The following RAF1 variants were observed in gnomAD, a reference collection of about 807,000 sequenced individuals.
The protein encoded by RAF1 is Raf-1 proto-oncogene, serine/threonine kinase.
In RAF1, 27 loss-of-function variants were observed where a neutral mutation model predicts 81.1. The ratio of observed to expected loss-of-function variants is 0.33; its 90% CI spans 0.25 to 0.46. The LOEUF (loss-of-function observed/expected upper bound fraction) is 0.46, where lower values mean the gene tolerates loss of function less well. Among genes scored for constraint, RAF1 ranks in the 20% least tolerant of loss-of-function variants. The probability of loss-of-function intolerance (pLI) is 1.00; values close to 1 mark genes in which losing one functional copy is unlikely to be tolerated. For synonymous variants in RAF1, 298 were observed against 294.0 expected, an observed-to-expected ratio of 1.01 and a Z score of -0.14; for missense variants, 598 against 826.0, an observed-to-expected ratio of 0.72 and a Z score of 3.38.
chr3:12,651,124 A>G (rs999925124), intron 1 of RAF1, among the ~76,000 whole-genome samples: 1 of 152,194 alleles, frequency 6.6e-6, no homozygotes, highest in Non-Finnish European at 1.5e-5. Context: ...ATAAATAGCA[A>G]GCCTTTTTAC....
intron 1 of RAF1, among the ~76,000 whole-genome samples, chr3:12,643,613 G>C (rs192150734): frequency 6.6e-6 from 1 of 151,974 alleles, no homozygotes; most frequent in Non-Finnish European, 1.5e-5. Context: ...GCAGGCGCCT[G>C]TAATCCCAGC....
chr3:12,655,143 C>T (rs904827468), intron 1 of RAF1, among the ~76,000 whole-genome samples: 2 of 152,130 alleles, frequency 1.3e-5, no homozygotes, highest in East Asian at 1.9e-4. Flanking sequence ...AGTGCAATGG[C>T]GCAATCTCAG....
At position 12,600,395 on chromosome 3, in the gene RAF1, G is replaced by A. The variant is rs763657486; in HGVS notation, c.915C>T (p.Ser305=). The A allele has an allele frequency of 3.0e-5, 49 of 1,614,018 alleles. No individual in the cohort carries two copies. Among genetic ancestry groups the A allele is most frequent in the Admixed American group, 8.3e-5 (5 of 59,998 alleles). The change falls in exon 9 of 18, where the codon AGC becomes AGT. Residue 305 remains serine (S), a synonymous_variant. Transcript: ENST00000442415. ...ATGACTATGGAAAAGTACCTGATTC[G>A]CTGTGACTTCGAATTGCATCCTGAA...
At chr3:12,648,117 T>A (rs1432328399) in intron 1 of RAF1, among the ~76,000 whole-genome samples, 1 of 152,210 alleles carries the variant, frequency 6.6e-6, no homozygotes, top group Non-Finnish European at 1.5e-5. Context: ...GTTTTTCTTT[T>A]CACCTTCAAA....
At chr3:12,603,624 A>G in intron 7 of RAF1, 1 of 624,502 alleles carries the variant, frequency 1.6e-6, no homozygotes, top group Non-Finnish European at 2.9e-6. Flanking sequence ...ATGAAGCAGA[A>G]AGCAAATTAA....
At chr3:12,654,006 T>TTC (rs1553624478) in intron 1 of RAF1, among the ~76,000 whole-genome samples, 1 of 151,444 alleles carries the variant, frequency 6.6e-6, no homozygotes, top group African/African-American at 2.4e-5. Context: ...TTTTTTTTTT[T>TTC]CAAGAGACAG....
chr3:12,639,900 T>C (rs1222944072), intron 1 of RAF1, among the ~76,000 whole-genome samples: 2 of 152,070 alleles, frequency 1.3e-5, no homozygotes, highest in Non-Finnish European at 2.9e-5. Context: ...AAAAAGAGCC[T>C]GCATTGCCAA....
intron 1 of RAF1, among the ~76,000 whole-genome samples, chr3:12,649,047 G>C (rs540861297): frequency 4.6e-5 from 7 of 152,168 alleles, no homozygotes; most frequent in Non-Finnish European, 7.4e-5. Flanking sequence ...ACAGGAGGCA[G>C]AGGTTGCAGT....
intron 1 of RAF1, among the ~76,000 whole-genome samples, chr3:12,649,071 G>A (rs562152645): frequency 4.1e-4 from 63 of 152,002 alleles, no homozygotes; most frequent in Non-Finnish European, 7.6e-4. Context: ...CCAAGATCAC[G>A]CCATTGCACT....
At chr3:12,652,344 AG>A (rs948561081) in intron 1 of RAF1, among the ~76,000 whole-genome samples, 21 of 151,180 alleles carry the variant, frequency 1.4e-4, no homozygotes, top group African/African-American at 4.9e-4. Context: ...AACACAGTGA[AG>A]CCCCGTCTCT....
At chr3:12,600,822 A>G (rs569548766) in intron 8 of RAF1, among the ~76,000 whole-genome samples, 5 of 152,338 alleles carry the variant, frequency 3.3e-5, no homozygotes, top group Non-Finnish European at 7.3e-5. Context: ...TCGGCCTCCC[A>G]AAGTGCTGGG....
chr3:12,653,370 C>A (rs966734521), intron 1 of RAF1, among the ~76,000 whole-genome samples: 2 of 152,196 alleles, frequency 1.3e-5, no homozygotes, highest in Non-Finnish European at 2.9e-5. Flanking sequence ...TCAAGTGTTA[C>A]AAGTTGCATG....
intron 1 of RAF1, among the ~76,000 whole-genome samples, chr3:12,640,815 A>G (rs1041248828): frequency 2.0e-5 from 3 of 152,292 alleles, no homozygotes; most frequent in East Asian, 3.9e-4. Flanking sequence ...CGATTCCTCA[A>G]GGATCTAGAA....
chr3:12,622,058 C>T (rs866817994), intron 1 of RAF1, among the ~76,000 whole-genome samples: 5 of 152,264 alleles, frequency 3.3e-5, no homozygotes, highest in Admixed American at 1.3e-4. Context: ...AACAAGATCT[C>T]GCTGCCTCCT....
At chr3:12,624,958 C>CA (rs1246565479) in intron 1 of RAF1, among the ~76,000 whole-genome samples, 68 of 148,736 alleles carry the variant, frequency 4.6e-4, no homozygotes, top group Admixed American at 8.7e-4. Context: ...AATGCCATTG[C>CA]AAAAAAAACA....
intron 11 of RAF1, 78 bp from the exon 11 acceptor site, chr3:12,591,870 C>T (rs1347719226): frequency 2.7e-6 from 3 of 1,092,960 alleles, no homozygotes; most frequent in Non-Finnish European, 4.2e-6. Context: ...GAGGAAGATA[C>T]AGTGAATCAT....
chr3:12,633,833 G>A (rs1421418719), intron 1 of RAF1, among the ~76,000 whole-genome samples: 1 of 151,026 alleles, frequency 6.6e-6, no homozygotes, highest in Non-Finnish European at 1.5e-5. Context: ...TACTTGGGAG[G>A]CTGAGGCAGG....
intron 11 of RAF1, among the ~76,000 whole-genome samples, chr3:12,597,823 G>A (rs2058731924): frequency 6.6e-6 from 1 of 151,806 alleles, no homozygotes; most frequent in South Asian, 2.1e-4. Context: ...GCTGAGGCAG[G>A]AGGATGGCTA....
At chr3:12,602,796 G>A (rs1361191114) in intron 8 of RAF1, among the ~76,000 whole-genome samples, 2 of 152,138 alleles carry the variant, frequency 1.3e-5, no homozygotes, top group Non-Finnish European at 2.9e-5. Flanking sequence ...CAATTATGTT[G>A]AAAGTGATTT....
Sources: gnomAD v4.1 joint callset for allele counts (sites outside exome capture counted in the v4.1 genomes callset) on GRCh38, gnomAD v4.1.1 for gene constraint, MANE v1.5 for transcripts, NCBI Gene and HGNC (gene_info 2026-07-23, HGNC 2026-07-21) for gene names.